Variants in C15orf61 observed in about 807,000 individuals in gnomAD.
C15orf61 encodes uncharacterized protein C15orf61.
A neutral mutation model predicts 13.7 loss-of-function variants in C15orf61; 12 were observed. The observed-to-expected ratio is 0.88, with a 90% CI of 0.56 to 1.42. The LOEUF (loss-of-function observed/expected upper bound fraction) is 1.42. Among genes scored for constraint, C15orf61 ranks in the 40% most tolerant of loss-of-function variants. The pLI is 0.00. For synonymous variants in C15orf61, 92 were observed against 94.1 expected (o/e 0.98, Z 0.13); for missense variants, 248 against 213.2 (o/e 1.16, Z -1.02).
In C15orf61 at chr15:67,526,551, T is replaced by C. The variant is rs1389918323; in HGVS notation, c.*6T>C. ...ATGAAGGTGCCATGTATTGAAAGTGTGCGTCAAAGAACATAAATATCAGTG... is the reference window on the plus strand; with the variant it reads ...ATGAAGGTGCCATGTATTGAAAGTGCGCGTCAAAGAACATAAATATCAGTG... On this transcript the variant is annotated 3_prime_UTR_variant, in exon 2 of 2. Transcript: ENST00000342683. The C allele has an allele frequency of 2.0e-6, 3 of 1,511,806 alleles. No individual in the cohort carries two copies. In the African/African-American group the frequency reaches 4.2e-5, roughly 21 times the overall value. 93.6% of individuals were successfully genotyped at this position (1,511,806 alleles called of 1,614,324 possible).
chr15:67,527,056 T>G lies in C15orf61; in HGVS notation c.*511T>G, dbSNP rs966598684. On this transcript the variant is annotated 3_prime_UTR_variant, in exon 2 of 2. Coordinates refer to ENST00000342683, the MANE Select transcript of C15orf61 (RefSeq NM_001143936.2). ...TGCCAGGATTGTAAATAGAAACGTT[T>G]TAAAGGCCTTGTGCCATTTACCTGG... The G allele has an allele frequency of 6.6e-6, 1 of 152,234 alleles. No homozygotes were observed. The highest frequency in any genetic ancestry group is 6.5e-5 in the Admixed American group (1 of 15,284). 9.4% of individuals were successfully genotyped at this position (152,234 alleles called of 1,614,324 possible).
Position 67,525,797 on chromosome 15 carries a change from A to G in C15orf61, c.347-621A>G, listed in dbSNP as rs528898035. Among the ~76,000 whole-genome samples the G allele has an allele frequency of 6.6e-6, 1 of 152,330 alleles. No homozygotes were observed. Among genetic ancestry groups the G allele is most frequent in the East Asian group, 1.9e-4 (1 of 5,182 alleles). On this transcript the variant is annotated intron_variant, in intron 1 of 1. Transcript: ENST00000342683. The surrounding 1 kb of genome is among the most constrained non-coding windows in gnomAD (Gnocchi z 4.9). ...TCGGAGGCCTAGGCCCAGGATCACA[A>G]GGTCAAGAGATCGAGACCATCCTGG...
rs926436684 is a variant in C15orf61 at position 67,526,670 on chromosome 15, T to C, written c.*125T>C. 1 of 970,864 alleles carries C rather than the reference T, an allele frequency of 1.0e-6. No homozygotes were observed. The allele number at this position is 970,864 out of a possible 1,614,324, so 60.1% of individuals were successfully genotyped here. On this transcript the variant is annotated 3_prime_UTR_variant, in exon 2 of 2. Transcript: ENST00000342683. ...TTTCTTTCTACAGTATCTGCTTCTT[T>C]AAGATGAATCATTGCCCTCAAGAGG...
chr15:67,526,284 G>A, intron 1 of C15orf61, 134 bp from the exon 2 acceptor site: 1 of 579,962 alleles, frequency 1.7e-6, no homozygotes, highest in South Asian at 3.5e-5. Context: ...TAGATAATCA[G>A]AGTCAATGTT....
rs187386601 is a variant in C15orf61, at chr15:67,521,406, T to C, written c.158T>C (p.Val53Ala). 259 of 1,543,502 alleles carry C rather than the reference T, an allele frequency of 1.7e-4. 5 individuals are homozygous for C. The South Asian group carries it at 2.2e-3, about 13-fold the overall frequency. The change falls in exon 1 of 2, where the codon GTG (valine) becomes GCG (alanine). Residue 53 changes from valine (V) to alanine (A), a missense_variant. By Grantham distance (64) the Val-to-Ala change is moderately conservative. Coordinates refer to ENST00000342683, the MANE Select transcript of C15orf61 (RefSeq NM_001143936.2). ...RRLPHWTSFC[V>A]PYSAVRNDQF... is the part of the protein sequence containing the mutation. ...CTGCCGCACTGGACCTCCTTCTGCG[T>C]GCCCTACAGCGCCGTCCGCAACGAC...
At chr15:67,524,837 G>GT (rs374398669) in intron 1 of C15orf61, among the ~76,000 whole-genome samples, 59,799 of 122,782 alleles carry the variant, frequency 0.49, 15,386 homozygotes, top group Non-Finnish European at 0.54. Flanking sequence ...TTTTTTGTTT[G>GT]TTTTTTTTTT....
At chr15:67,524,963 A>C (rs943842203) in intron 1 of C15orf61, among the ~76,000 whole-genome samples, 1 of 149,902 alleles carries the variant, frequency 6.7e-6, no homozygotes, top group African/African-American at 2.5e-5. Context: ...CAGCCTCCTG[A>C]GTGGCTGGGA....
chr15:67,523,695 A>C (rs898113599), intron 1 of C15orf61, among the ~76,000 whole-genome samples: 1 of 152,166 alleles, frequency 6.6e-6, no homozygotes. Context: ...TTGATGTTAC[A>C]TGTTTCAGAT....
Position 67,528,791 on chromosome 15 carries a change from A to G in C15orf61, c.*2246A>G, listed in dbSNP as rs2084212698. The stretch of plus-strand genomic sequence containing the variant: ...TGGTTTTTCCACCTGTAATCTGAGA[A>G]GAACGAAACAAGAGACATTTCTACC... On this transcript the variant is annotated 3_prime_UTR_variant, in exon 2 of 2. Transcript: ENST00000342683. The G allele has an allele frequency of 6.6e-6, 1 of 152,234 alleles. No individual in the cohort carries two copies. Among genetic ancestry groups the G allele is most frequent in the South Asian group, 2.1e-4 (1 of 4,830 alleles). The allele number at this position is 152,234 out of a possible 1,614,324, so 9.4% of individuals were successfully genotyped here.
chr15:67,521,262 G>T lies in C15orf61; in HGVS notation c.14G>T (p.Arg5Met). The change falls in exon 1 of 2, where the codon AGG becomes ATG. Residue 5 changes from arginine to methionine, a missense_variant. Physicochemically the swap from Arg to Met is moderately conservative, Grantham distance 91. Coordinates refer to ENST00000342683, the MANE Select transcript of C15orf61 (RefSeq NM_001143936.2). Reference sequence around the variant, plus strand: ...GCGCGGCGGGCCATGGAGGCCCTGAGGAGGGCCCACGAGGTCGCGCTCCGC... The same window carrying T: ...GCGCGGCGGGCCATGGAGGCCCTGATGAGGGCCCACGAGGTCGCGCTCCGC... MEAL[R>M]RAHEVALRLL... is the part of the protein sequence containing the mutation. 8 of 1,392,074 alleles carry T rather than the reference G, an allele frequency of 5.7e-6. No homozygotes were observed. Among genetic ancestry groups the T allele is most frequent in the Non-Finnish European group, 7.4e-6 (8 of 1,074,096 alleles). 86.2% of individuals were successfully genotyped at this position (1,392,074 alleles called of 1,614,324 possible). A position where few individuals can be genotyped will look rare whatever the true frequency, so the allele number is the denominator to read the frequency against.
In C15orf61 at chr15:67,521,156, G is replaced by A. The variant is rs949502322; in HGVS notation, c.-93G>A. 7 of 865,024 alleles carry A rather than the reference G, an allele frequency of 8.1e-6. No homozygotes were observed. The highest frequency in any genetic ancestry group is 1.0e-4 in the Admixed American group (2 of 19,650). 53.6% of individuals were successfully genotyped at this position (865,024 alleles called of 1,614,324 possible). A position where few individuals can be genotyped will look rare whatever the true frequency, so the allele number is the denominator to read the frequency against. ...ACACCGGGGGCTCTCGGGCACCCGC[G>A]CGGCGCCGGTTGGCCTTCCCGGCGC... On this transcript the variant is annotated 5_prime_UTR_variant, in exon 1 of 2. Transcript: ENST00000342683.
In C15orf61 at chr15:67,521,160, C is replaced by T. The variant is rs1265600181; in HGVS notation, c.-89C>T. ...CGGGGGCTCTCGGGCACCCGCGCGG[C>T]GCCGGTTGGCCTTCCCGGCGCTCGC... On this transcript the variant is annotated 5_prime_UTR_variant, in exon 1 of 2. Coordinates refer to ENST00000342683, the MANE Select transcript of C15orf61 (RefSeq NM_001143936.2). The T allele has an allele frequency of 4.1e-5, 37 of 904,262 alleles. No individual in the cohort carries two copies. Among genetic ancestry groups the T allele is most frequent in the Non-Finnish European group, 4.7e-5 (34 of 719,866 alleles). The allele number at this position is 904,262 out of a possible 1,614,324, so 56.0% of individuals were successfully genotyped here.
chr15:67,526,439 G>T lies in C15orf61; in HGVS notation c.368G>T (p.Gly123Val). The change falls in exon 2 of 2, where the codon GGA (glycine) becomes GTA (valine). Residue 123 changes from glycine (G) to valine (V), a missense_variant. Gly to Val is a moderately radical substitution (Grantham distance 109, BLOSUM62 -3). Coordinates refer to ENST00000342683, the MANE Select transcript of C15orf61 (RefSeq NM_001143936.2). ...CTAGGTATTCCAACTTTATTATATG[G>T]ACTTGGCTCCTGGTTATTTGCCAGA... ...VNLGIPTLLY[G>V]LGSWLFARVT... 6.5e-7 allele frequency: 1 copy of T among 1,531,206 alleles called. No individual in the cohort carries two copies. The highest frequency in any genetic ancestry group is 8.9e-7 in the Non-Finnish European group (1 of 1,129,560). The allele number at this position is 1,531,206 out of a possible 1,614,324, so 94.9% of individuals were successfully genotyped here.
In C15orf61 at chr15:67,525,617, T is replaced by G. The variant is rs1271001427; in HGVS notation, c.347-801T>G. On this transcript the variant is annotated intron_variant, in intron 1 of 1. Coordinates refer to ENST00000342683, the MANE Select transcript of C15orf61 (RefSeq NM_001143936.2). The surrounding 1 kb of genome is among the most constrained non-coding windows in gnomAD (Gnocchi z 4.9). Reference sequence around the variant, plus strand: ...ATGCCTGTTGTACTGAAATCTTACTTGGAGTTAGGTTTTGCTTTAGATTTT... The same window carrying G: ...ATGCCTGTTGTACTGAAATCTTACTGGGAGTTAGGTTTTGCTTTAGATTTT... Among the ~76,000 whole-genome samples the G allele has an allele frequency of 2.0e-5, 3 of 152,216 alleles. No individual in the cohort carries two copies.
intron 1 of C15orf61, chr15:67,522,139 T>C: frequency 2.9e-6 from 2 of 701,478 alleles, no homozygotes; most frequent in Non-Finnish European, 5.2e-6. Flanking sequence ...GCCTAAAAGA[T>C]TTTTAAAGAT....
rs1475949435 is a variant in C15orf61, at chr15:67,528,854, AG to A, written c.*2310del. 1 of 152,176 alleles carries A rather than the reference AG, an allele frequency of 6.6e-6. No homozygotes were observed. Among genetic ancestry groups the A allele is most frequent in the African/African-American group, 2.4e-5 (1 of 41,420 alleles). 9.4% of individuals were successfully genotyped at this position (152,176 alleles called of 1,614,324 possible). On this transcript the variant is annotated 3_prime_UTR_variant, in exon 2 of 2. Transcript: ENST00000342683. ...TCAATTTTACTTTTGTCTCTGCAAA[AG>A]CTCTGTTTTTATAATCCACATTCTT...
chr15:67,521,228 G>C lies in C15orf61; in HGVS notation c.-21G>C. ...CGCCAGCGGCTGCGGACACCAGCCT[G>C]CGTCCCCGGCGCGGCGGGCCATGGA... On this transcript the variant is annotated 5_prime_UTR_variant, in exon 1 of 2. Coordinates refer to ENST00000342683, the MANE Select transcript of C15orf61 (RefSeq NM_001143936.2). 1 of 1,214,078 alleles carries C rather than the reference G, an allele frequency of 8.2e-7. No individual in the cohort carries two copies. Among genetic ancestry groups the C allele is most frequent in the Non-Finnish European group, 1.0e-6 (1 of 972,578 alleles). 75.2% of individuals were successfully genotyped at this position (1,214,078 alleles called of 1,614,324 possible).
Position 67,527,882 on chromosome 15 carries a change from T to G in C15orf61, c.*1337T>G, listed in dbSNP as rs192105982. 7.9e-5 allele frequency: 12 copies of G among 152,328 alleles called. No homozygotes were observed. Among genetic ancestry groups the G allele is most frequent in the African/African-American group, 2.4e-4 (10 of 41,576 alleles). 9.4% of individuals were successfully genotyped at this position (152,328 alleles called of 1,614,324 possible). On this transcript the variant is annotated 3_prime_UTR_variant, in exon 2 of 2. Transcript: ENST00000342683. ...AATCAAAGAAGTACTTATGCCAATA[T>G]ATTTAGTCCAGAAGAATATACTTGA...
At position 67,527,690 on chromosome 15, in the gene C15orf61, G is replaced by A. The variant is rs1273026177; in HGVS notation, c.*1145G>A. The A allele has an allele frequency of 6.6e-6, 1 of 152,102 alleles. No homozygotes were observed. Among genetic ancestry groups the A allele is most frequent in the East Asian group, 1.9e-4 (1 of 5,204 alleles). The allele number at this position is 152,102 out of a possible 1,614,324, so 9.4% of individuals were successfully genotyped here. A position where few individuals can be genotyped will look rare whatever the true frequency, so the allele number is the denominator to read the frequency against. ...TTCAACATTTGGATGCTTATGTCAA[G>A]TCAGTAGAGAAAGTGAGTGGAAGTG... On this transcript the variant is annotated 3_prime_UTR_variant, in exon 2 of 2. Transcript: ENST00000342683.
Sources: allele counts gnomAD v4.1 joint callset (sites outside exome capture counted in the v4.1 genomes callset), GRCh38; gene constraint gnomAD v4.1.1; non-coding constraint Gnocchi (gnomAD v3.1); transcripts MANE v1.5; gene names NCBI Gene and HGNC (gene_info 2026-07-23, HGNC 2026-07-21).